The following PLCL2 variants were observed in gnomAD, a reference collection of about 807,000 sequenced individuals.
PLCL2 encodes the protein inactive phospholipase C-like protein 2.
Under a neutral mutation model 79.6 loss-of-function variants are expected in PLCL2, and 4 were observed. The ratio of observed to expected loss-of-function variants is 0.05; its 90% CI spans 0.02 to 0.11. The LOEUF (loss-of-function observed/expected upper bound fraction) is 0.11. PLCL2 is among the 10% of genes least tolerant of loss of function. The probability of loss-of-function intolerance (pLI) is 1.00; values close to 1 mark genes in which losing one functional copy is unlikely to be tolerated. For synonymous variants in PLCL2, 484 were observed against 457.7 expected, an observed-to-expected ratio of 1.06 and a Z score of -0.73; for missense variants, 895 against 1,291.0, an observed-to-expected ratio of 0.69 and a Z score of 4.70.
chr3:16,987,586 G>A (rs2064063711), intron 1 of PLCL2, among the ~76,000 whole-genome samples: 1 of 152,084 alleles, frequency 6.6e-6, no homozygotes, highest in Non-Finnish European at 1.5e-5. Flanking sequence ...TCAAAGATCT[G>A]TGTTTAGAAT....
chr3:17,055,507 CCTT>C (rs1553649377), intron 4 of PLCL2, among the ~76,000 whole-genome samples: 1 of 152,160 alleles, frequency 6.6e-6, no homozygotes, highest in Non-Finnish European at 1.5e-5. Context: ...GTCCCTGTAA[CCTT>C]CACCCTAATT....
intron 1 of PLCL2, among the ~76,000 whole-genome samples, chr3:16,978,629 T>G (rs941290121): frequency 1.3e-5 from 2 of 152,212 alleles, no homozygotes; most frequent in Non-Finnish European, 2.9e-5. Flanking sequence ...GTGGAGAAGT[T>G]CTGTTGTCCA....
At chr3:16,916,285 T>C (rs1358681551) in intron 1 of PLCL2, among the ~76,000 whole-genome samples, 1 of 152,188 alleles carries the variant, frequency 6.6e-6, no homozygotes, top group African/African-American at 2.4e-5. Context: ...TTCTCACTTA[T>C]TTTGTTTAAA....
chr3:16,976,817 T>C (rs913651966), intron 1 of PLCL2, among the ~76,000 whole-genome samples: 1 of 152,220 alleles, frequency 6.6e-6, no homozygotes, highest in African/African-American at 2.4e-5. Flanking sequence ...GAGTCTTCCA[T>C]TGGCCCACAC....
chr3:17,075,517 C>T (rs564539994), intron 5 of PLCL2, among the ~76,000 whole-genome samples: 92 of 147,802 alleles, frequency 6.2e-4, no homozygotes, highest in Non-Finnish European at 1.1e-3. Flanking sequence ...ACTTGCTTGA[C>T]GCAAGGTTGC....
At chr3:17,047,879 C>CTGTA (rs2064797695) in intron 4 of PLCL2, among the ~76,000 whole-genome samples, 1 of 152,190 alleles carries the variant, frequency 6.6e-6, no homozygotes, top group African/African-American at 2.4e-5. Context: ...CTGCTTTGTA[C>CTGTA]TGTATTTCCA....
chr3:16,985,964 T>C (rs2064045462), intron 1 of PLCL2, among the ~76,000 whole-genome samples: 1 of 151,904 alleles, frequency 6.6e-6, no homozygotes, highest in African/African-American at 2.4e-5. Context: ...AATGGAACCA[T>C]GACATAAGAA....
chr3:17,071,640 CT>C (rs900259945), intron 5 of PLCL2, among the ~76,000 whole-genome samples: 5 of 152,010 alleles, frequency 3.3e-5, no homozygotes, highest in African/African-American at 4.8e-5. Context: ...CTAAGTCATA[CT>C]TTTTTTCACA....
intron 1 of PLCL2, among the ~76,000 whole-genome samples, chr3:16,947,197 A>T (rs947403187): frequency 1.3e-5 from 2 of 151,454 alleles, no homozygotes; most frequent in Non-Finnish European, 2.9e-5. Flanking sequence ...CGATCCTCCT[A>T]CCACAGCCTC....
chr3:17,077,033 C>T (rs1016169070), intron 5 of PLCL2, among the ~76,000 whole-genome samples: 1 of 152,140 alleles, frequency 6.6e-6, no homozygotes, highest in Non-Finnish European at 1.5e-5. Flanking sequence ...CCACTCTTGG[C>T]CCCTCATGTT....
chr3:16,906,801 G>A (rs1696761940), intron 1 of PLCL2, among the ~76,000 whole-genome samples: 1 of 152,128 alleles, frequency 6.6e-6, no homozygotes, highest in Non-Finnish European at 1.5e-5. Flanking sequence ...AAGATAACAG[G>A]CAATAATTTG....
chr3:16,954,754 A>C (rs373540775), intron 1 of PLCL2, among the ~76,000 whole-genome samples: 2 of 151,786 alleles, frequency 1.3e-5, no homozygotes, highest in Non-Finnish European at 2.9e-5. Flanking sequence ...TTGTGGTTTT[A>C]ATTTGCATTT....
At chr3:17,054,076 C>T (rs745820439) in intron 4 of PLCL2, among the ~76,000 whole-genome samples, 3 of 152,072 alleles carry the variant, frequency 2.0e-5, no homozygotes, top group African/African-American at 7.2e-5. Context: ...ATTTCTCTTC[C>T]TGTGCATATG....
chr3:16,895,571 G>A (rs953430843), intron 1 of PLCL2, among the ~76,000 whole-genome samples: 4 of 152,222 alleles, frequency 2.6e-5, no homozygotes, highest in African/African-American at 9.6e-5. Context: ...TACACATAAA[G>A]TCCTTATATA....
chr3:17,050,659 G>A (rs1397447023), intron 4 of PLCL2, among the ~76,000 whole-genome samples: 1 of 152,148 alleles, frequency 6.6e-6, no homozygotes, highest in African/African-American at 2.4e-5. Context: ...TTCTGGCGAG[G>A]CTGTGGAGAA....
intron 5 of PLCL2, chr3:17,081,125 G>A (rs1056321562): frequency 2.2e-6 from 1 of 455,610 alleles, no homozygotes; most frequent in Non-Finnish European, 4.4e-6. Flanking sequence ...CCTCTTTGTG[G>A]AGCAGGTGGT....
At chr3:16,908,270 C>T (rs137960130) in intron 1 of PLCL2, among the ~76,000 whole-genome samples, 1 of 152,144 alleles carries the variant, frequency 6.6e-6, no homozygotes, top group Admixed American at 6.5e-5. Flanking sequence ...ATTCCAGACA[C>T]CGTATTATCC....
At chr3:17,013,006 G>A (rs1034857967) in intron 2 of PLCL2, among the ~76,000 whole-genome samples, 5 of 152,172 alleles carry the variant, frequency 3.3e-5, no homozygotes, top group East Asian at 1.9e-4. Flanking sequence ...AAAATTCAAC[G>A]TTTTTTCCCT....
At chr3:16,939,625 G>A (rs1477926725) in intron 1 of PLCL2, among the ~76,000 whole-genome samples, 4 of 152,190 alleles carry the variant, frequency 2.6e-5, no homozygotes, top group Non-Finnish European at 4.4e-5. Context: ...TAAAAAAGTA[G>A]TTATTTCTAG....
Sources: allele counts gnomAD v4.1 joint callset (sites outside exome capture counted in the v4.1 genomes callset), GRCh38; gene constraint gnomAD v4.1.1; transcripts MANE v1.5; gene names NCBI Gene and HGNC (gene_info 2026-07-23, HGNC 2026-07-21).